ZNF649: variants seen among roughly 807,000 people sequenced by gnomAD.
ZNF649 encodes the protein zinc finger protein 649.
Under a neutral mutation model 14.1 loss-of-function variants are expected in ZNF649, and 7 were observed. The observed-to-expected ratio is 0.49, with a 90% CI of 0.28 to 0.93. ZNF649 has a LOEUF of 0.93. ZNF649 is among the 40% of genes least tolerant of loss of function. The probability of loss-of-function intolerance (pLI) is 0.10; values close to 1 mark genes in which losing one functional copy is unlikely to be tolerated. For missense variants in ZNF649, 544 were observed against 608.1 expected, an observed-to-expected ratio of 0.89 and a Z score of 1.11; for synonymous variants, 227 against 212.3, an observed-to-expected ratio of 1.07 and a Z score of -0.60.
intron 4 of ZNF649, 105 bp from the exon 5 acceptor site, chr19:51,892,002 C>G: frequency 7.8e-7 from 1 of 1,284,316 alleles, no homozygotes; most frequent in Non-Finnish European, 1.0e-6. Flanking sequence ...CCTATAATAC[C>G]AACATGGAAG....
Position 51,896,958 on chromosome 19 carries a change from A to G in ZNF649, c.36T>C (p.Asp12=). ...CCTCCCAGGTGAAGTCCACAGCCAC[A>G]TCCTCCAGGGTCAGTGATTCCTGTA... ...TKAQESLTLE[D]VAVDFTWEEW... The change falls in exon 3 of 5, where the codon GAT becomes GAC. Residue 12 remains aspartate (D), a synonymous_variant. Coordinates refer to ENST00000354957, the MANE Select transcript of ZNF649 (RefSeq NM_023074.4). 6.2e-7 allele frequency: 1 copy of G among 1,614,214 alleles called. No homozygotes were observed. Among genetic ancestry groups the G allele is most frequent in the South Asian group, 1.1e-5 (1 of 91,088 alleles).
Position 51,891,203 on chromosome 19 carries a change from A to G in ZNF649, c.933T>C (p.Thr311=). The change falls in exon 5 of 5, where the codon ACT becomes ACC. Residue 311 remains threonine, a synonymous_variant. Transcript: ENST00000354957. The surrounding 1 kb of genome is among the most constrained non-coding windows in gnomAD (Gnocchi z 4.2). The stretch of plus-strand genomic sequence containing the variant: ...ATGTATGAGGCTTCTCTCCTGTATG[A>G]GTTCGCTGATGTACAACGAGTAGTG... ...RKSLLVVHQR[T]HTGEKPHTCS... 6.2e-7 allele frequency: 1 copy of G among 1,614,212 alleles called. No individual in the cohort carries two copies. Among genetic ancestry groups the G allele is most frequent in the South Asian group, 1.1e-5 (1 of 91,086 alleles).
intron 1 of ZNF649, among the ~76,000 whole-genome samples, chr19:51,903,237 C>T (rs551019120): frequency 3.3e-5 from 5 of 152,070 alleles, no homozygotes; most frequent in African/African-American, 4.8e-5. Flanking sequence ...TGAGTTTTTA[C>T]GCTGGTTTCA....
chr19:51,898,367 G>A (rs2085076152), intron 2 of ZNF649, among the ~76,000 whole-genome samples: 1 of 152,116 alleles, frequency 6.6e-6, no homozygotes, highest in South Asian at 2.1e-4. Flanking sequence ...CAACCTCCCT[G>A]CTCAGGTTCG....
chr19:51,903,866 C>G (rs117772772), intron 1 of ZNF649, among the ~76,000 whole-genome samples: 2,849 of 152,042 alleles, frequency 0.019, 46 homozygotes, highest in South Asian at 0.023. Flanking sequence ...GAGACTGATG[C>G]TTAAGCAAAC....
rs2085077207 is a variant in ZNF649 at position 51,898,531 on chromosome 19, G to GCCC, written c.16-1556_16-1554dup. 2.0e-5 allele frequency among the ~76,000 whole-genome samples: 3 copies of GCCC among 152,192 alleles called. No homozygotes were observed. In the South Asian group the frequency reaches 6.2e-4, roughly 32 times the overall value. On this transcript the variant is annotated intron_variant, in intron 2 of 4. Transcript: ENST00000354957. ...GCCTCTGATCCCATGGAATTGCAGT[G>GCCC]CCCCCTTCCCCCACCCCCCACTTCC...
At position 51,891,604 on chromosome 19, in the gene ZNF649, G is replaced by C; in HGVS notation, c.532C>G (p.His178Asp). ...HQQTHNIEKA[H>D]ECTDCGKAFL... The stretch of plus-strand genomic sequence containing the variant: ...GCTTTCCCACAGTCAGTGCATTCAT[G>C]GGCTTTCTCTATGTTGTGTGTTTGC... The change falls in exon 5 of 5, where the codon CAT (histidine) becomes GAT (aspartate). Residue 178 changes from histidine to aspartate, a missense_variant. Coordinates refer to ENST00000354957, the MANE Select transcript of ZNF649 (RefSeq NM_023074.4). This position sits in a 1 kb window ranked among gnomAD's most constrained non-coding sequence, Gnocchi z 4.2. 1 of 1,614,212 alleles carries C rather than the reference G, an allele frequency of 6.2e-7. No homozygotes were observed. The highest frequency in any genetic ancestry group is 8.5e-7 in the Non-Finnish European group (1 of 1,180,042).
rs954787570 is a variant in ZNF649, at chr19:51,898,655, G to A, written c.15+1438C>T. 2.6e-5 allele frequency among the ~76,000 whole-genome samples: 4 copies of A among 151,924 alleles called. No individual in the cohort carries two copies. The East Asian group carries it at 5.8e-4, about 22-fold the overall frequency. Reference sequence around the variant, plus strand: ...TGGCTGGGTGCGGTGGCTCACACCTGTAATCCCAACACTTTGGGAGGCCGA... The same window carrying A: ...TGGCTGGGTGCGGTGGCTCACACCTATAATCCCAACACTTTGGGAGGCCGA... On this transcript the variant is annotated intron_variant, in intron 2 of 4. Coordinates refer to ENST00000354957, the MANE Select transcript of ZNF649 (RefSeq NM_023074.4).
Position 51,891,886 on chromosome 19 carries a change from CTT to C in ZNF649, c.248_249del (p.Lys83SerfsTer2). ...IHSPAHPEIEKADDHLQQPLQ... is the reference protein window; with the variant it reads ...IHSPAHPEIEXADDHLQQPLQ... ...AAGGGCTGCTGCAGATGATCATCAG[CTT>C]TCTCAATTTCTAAGAGAGAGAACAA... is the stretch of plus-strand genomic sequence containing the variant. On this transcript the variant is annotated frameshift_variant, in exon 5 of 5. Transcript: ENST00000354957. LOFTEE classifies it low-confidence loss of function (END_TRUNC). The surrounding 1 kb of genome is among the most constrained non-coding windows in gnomAD (Gnocchi z 4.2). 1 of 1,558,904 alleles carries C rather than the reference CTT, an allele frequency of 6.4e-7. No homozygotes were observed. Among genetic ancestry groups the C allele is most frequent in the Non-Finnish European group, 8.6e-7 (1 of 1,159,768 alleles).
rs113247994 is a variant in ZNF649, at chr19:51,897,906, G to A, written c.16-928C>T. Among the ~76,000 whole-genome samples, 1,048 of 152,130 alleles carry A rather than the reference G, an allele frequency of 6.9e-3. 13 individuals carry two copies. The highest frequency in any genetic ancestry group is 0.024 in the African/African-American group (995 of 41,480). ...GGAGGCAAAGGTGGGCGGATCACCCGAGGTCAGGAGTTTGAGACCAGCCTG... is the reference window on the plus strand; with the variant it reads ...GGAGGCAAAGGTGGGCGGATCACCCAAGGTCAGGAGTTTGAGACCAGCCTG... On this transcript the variant is annotated intron_variant, in intron 2 of 4. Coordinates refer to ENST00000354957, the MANE Select transcript of ZNF649 (RefSeq NM_023074.4).
chr19:51,901,228 G>A (rs1339921416), intron 1 of ZNF649, among the ~76,000 whole-genome samples: 3 of 152,124 alleles, frequency 2.0e-5, no homozygotes, highest in African/African-American at 7.2e-5. Flanking sequence ...GAATCCTAGA[G>A]GAAAGCATGT....
chr19:51,893,934 C>T (rs986329064), intron 4 of ZNF649, among the ~76,000 whole-genome samples: 2 of 152,134 alleles, frequency 1.3e-5, no homozygotes, highest in Non-Finnish European at 2.9e-5. Flanking sequence ...GAAAGGTAAG[C>T]TCTACCTAGA....
rs2085063110 is a variant in ZNF649 at position 51,896,477 on chromosome 19, T to C, written c.233A>G (p.His78Arg). The change falls in exon 4 of 5, where the codon CAC becomes CGC. Residue 78 changes from histidine (H) to arginine (R), a missense_variant. Transcript: ENST00000354957. ...TLEDEIHSPAHPEIEKADDHL... is the reference protein window; with the variant it reads ...TLEDEIHSPARPEIEKADDHL... ...GCTGGTTCTCTCTCACTTACCTGGG[T>C]GGGCTGGACTGTGGATTTCATCTTC... 2 of 1,613,842 alleles carry C rather than the reference T, an allele frequency of 1.2e-6. No individual in the cohort carries two copies. Among genetic ancestry groups the C allele is most frequent in the African/African-American group, 2.7e-5 (2 of 74,880 alleles).
Position 51,891,065 on chromosome 19 carries a change from C to T in ZNF649, c.1071G>A (p.Gln357=). The change falls in exon 5 of 5, where the codon CAG becomes CAA. Residue 357 remains glutamine, a synonymous_variant. Transcript: ENST00000354957. The surrounding 1 kb of genome is among the most constrained non-coding windows in gnomAD (Gnocchi z 4.2). ...TCTGATGTGCTACAAGGCAAGACTT[C>T]TGGCTGAAGGCCTTGCCACAGTCAA... is the stretch of plus-strand genomic sequence containing the variant. ...GCIDCGKAFS[Q]KSCLVAHQRY... 6.2e-7 allele frequency: 1 copy of T among 1,614,246 alleles called. No individual in the cohort carries two copies. The highest frequency in any genetic ancestry group is 8.5e-7 in the Non-Finnish European group (1 of 1,180,048).
At chr19:51,896,029 C>A (rs185454646) in intron 4 of ZNF649, 2 of 170,880 alleles carry the variant, frequency 1.2e-5, no homozygotes, top group African/African-American at 4.8e-5. Flanking sequence ...TTGAAACAGA[C>A]GATACCCAGC....
chr19:51,898,034 G>T (rs1401672193), intron 2 of ZNF649, among the ~76,000 whole-genome samples: 1 of 148,658 alleles, frequency 6.7e-6, no homozygotes, highest in Non-Finnish European at 1.5e-5. Context: ...GGATGCAGAG[G>T]TTGCAGTGAG....
rs1384512480 is a variant in ZNF649 at position 51,896,844 on chromosome 19, G to T, written c.142+8C>A. 1 of 1,613,960 alleles carries T rather than the reference G, an allele frequency of 6.2e-7. No homozygotes were observed. The highest frequency in any genetic ancestry group is 8.5e-7 in the Non-Finnish European group (1 of 1,180,024). ...ACCCTCTGAGTGACACAGGGCAGCT[G>T]TCCTCACCCACTGACACAAGGTTGC... On this transcript the variant is annotated splice_region_variant and intron_variant, in intron 3 of 4. Transcript: ENST00000354957.
chr19:51,890,733 G>A lies in ZNF649; in HGVS notation c.1403C>T (p.Thr468Ile). Residue 468 changes from threonine to isoleucine, a missense_variant, in exon 5 of 5, where the codon ACA becomes ATA. Transcript: ENST00000354957. ...GDSVKVENPS[T>I]ASHSLSPSEH... ...ACTAGGACTTAAGCTGTGACTTGCTGTGGAAGGATTTTCCACCTTCACTGA... is the reference window on the plus strand; with the variant it reads ...ACTAGGACTTAAGCTGTGACTTGCTATGGAAGGATTTTCCACCTTCACTGA... 1.2e-6 allele frequency: 2 copies of A among 1,614,220 alleles called. No homozygotes were observed. The highest frequency in any genetic ancestry group is 1.7e-6 in the Non-Finnish European group (2 of 1,180,042).
At chr19:51,893,909 G>A (rs2867320) in intron 4 of ZNF649, among the ~76,000 whole-genome samples, 151,048 of 152,278 alleles carry the variant, frequency 0.99, 74,915 homozygotes, top group East Asian at 1. Flanking sequence ...GATTGCTATA[G>A]TACTGCCACC....
Sources: allele counts gnomAD v4.1 joint callset (sites outside exome capture counted in the v4.1 genomes callset), GRCh38; gene constraint gnomAD v4.1.1; non-coding constraint Gnocchi (gnomAD v3.1); transcripts MANE v1.5; gene names NCBI Gene and HGNC (gene_info 2026-07-23, HGNC 2026-07-21).